KCNV1: variants seen among roughly 807,000 people sequenced by gnomAD.
The protein encoded by KCNV1 is potassium voltage-gated channel subfamily V member 1.
A neutral mutation model predicts 36.4 loss-of-function variants in KCNV1; 2 were observed. That is an observed-to-expected ratio of 0.05 (90% confidence interval 0.02 to 0.17). The LOEUF is 0.17. Among genes scored for constraint, KCNV1 ranks in the 10% least tolerant of loss-of-function variants. The pLI is 1.00. For missense variants in KCNV1, 321 were observed against 643.6 expected (o/e 0.50, Z 5.42); for synonymous variants, 280 against 261.1 (o/e 1.07, Z -0.70).
chr8:109,967,256 C>T lies in KCNV1; in HGVS notation c.*832G>A, dbSNP rs1031894586. 1.3e-5 allele frequency: 2 copies of T among 152,118 alleles called. No individual in the cohort carries two copies. Among genetic ancestry groups the T allele is most frequent in the African/African-American group, 4.8e-5 (2 of 41,442 alleles). The allele number at this position is 152,118 out of a possible 1,614,324, so 9.4% of individuals were successfully genotyped here. A position where few individuals can be genotyped will look rare whatever the true frequency, so the allele number is the denominator to read the frequency against. On this transcript the variant is annotated 3_prime_UTR_variant, in exon 4 of 4. Coordinates refer to ENST00000524391, the MANE Select transcript of KCNV1 (RefSeq NM_014379.4). ...CCAGTGTAGAAATTTAGGATGTTCA[C>T]TACCTCACTTTTACATATTCATTAT...
Position 109,972,250 on chromosome 8 carries a change from G to T in KCNV1, c.991+8C>A. The T allele has an allele frequency of 6.4e-7, 1 of 1,568,986 alleles. No homozygotes were observed. On this transcript the variant is annotated splice_region_variant and intron_variant, in intron 3 of 3. Coordinates refer to ENST00000524391, the MANE Select transcript of KCNV1 (RefSeq NM_014379.4). The surrounding 1 kb of genome is among the most constrained non-coding windows in gnomAD (Gnocchi z 5.2). ...GCAAATTAAAAGGCATCAGTGAAAT[G>T]TGAATACCTGTGGAATGTCTGCCCA...
chr8:109,965,908 C>T lies in KCNV1; in HGVS notation c.*2180G>A, dbSNP rs1048910008. The T allele has an allele frequency of 6.6e-6, 1 of 152,150 alleles. No individual in the cohort carries two copies. Among genetic ancestry groups the T allele is most frequent in the Admixed American group, 6.5e-5 (1 of 15,274 alleles). The allele number at this position is 152,150 out of a possible 1,614,324, so 9.4% of individuals were successfully genotyped here. ...GGCAGATTGGTATTCAGCGCTGGCT[C>T]TGCCATCTATAGCCTGTGTGAATTT... On this transcript the variant is annotated 3_prime_UTR_variant, in exon 4 of 4. Coordinates refer to ENST00000524391, the MANE Select transcript of KCNV1 (RefSeq NM_014379.4).
In KCNV1 at chr8:109,968,792, G is replaced by T. The variant is rs1362796971; in HGVS notation, c.992-193C>A. On this transcript the variant is annotated intron_variant, in intron 3 of 3. Transcript: ENST00000524391. The surrounding 1 kb of genome is among the most constrained non-coding windows in gnomAD (Gnocchi z 5.3). ...CTTGTGCCAGGAAGTTCACAGTCTA[G>T]TTGATGGGGCCAGGTTGAGAAGGCT... is the stretch of plus-strand genomic sequence containing the variant. Among the ~76,000 whole-genome samples, 2 of 152,128 alleles carry T rather than the reference G, an allele frequency of 1.3e-5. No individual in the cohort carries two copies. The highest frequency in any genetic ancestry group is 2.9e-5 in the Non-Finnish European group (2 of 68,026).
Position 109,972,651 on chromosome 8 carries a change from G to T in KCNV1, c.598C>A (p.Leu200Met). 1 of 1,614,166 alleles carries T rather than the reference G, an allele frequency of 6.2e-7. No individual in the cohort carries two copies. The highest frequency in any genetic ancestry group is 8.5e-7 in the Non-Finnish European group (1 of 1,180,032). ...PTVRQKLWNI[L>M]EKPGSSTAAR... The stretch of plus-strand genomic sequence containing the variant: ...GCTGTGGAAGATCCAGGTTTCTCCA[G>T]GATATTCCAGAGCTTCTGGCGAACA... The change falls in exon 3 of 4, where the codon CTG becomes ATG. Residue 200 changes from leucine to methionine, a missense_variant. This residue lies in a region of KCNV1 where 141 missense variants were observed against 225.0 expected (regional missense o/e 0.63). Transcript: ENST00000524391. The surrounding 1 kb of genome is among the most constrained non-coding windows in gnomAD (Gnocchi z 5.2).
intron 3 of KCNV1, among the ~76,000 whole-genome samples, chr8:109,970,743 C>A (rs1819999970): frequency 6.6e-6 from 1 of 152,126 alleles, no homozygotes; most frequent in African/African-American, 2.4e-5. Flanking sequence ...TGGTGAAAAT[C>A]TTTGAAGAGG....
rs777714369 is a variant in KCNV1 at position 109,973,924 on chromosome 8, G to T, written c.461+4C>A. The stretch of plus-strand genomic sequence containing the variant: ...CGCCCAGCCGCCGCGTGCCTCCGGG[G>T]TACCTGTCCCTGCAGCAGGAATCGA... On this transcript the variant is annotated splice_donor_region_variant and intron_variant, in intron 2 of 3. Transcript: ENST00000524391. 5 of 1,589,752 alleles carry T rather than the reference G, an allele frequency of 3.1e-6. No homozygotes were observed. The highest frequency in any genetic ancestry group is 2.7e-5 in the African/African-American group (2 of 74,290).
Position 109,970,000 on chromosome 8 carries a change from G to A in KCNV1, c.992-1401C>T, listed in dbSNP as rs553629342. ...ATCAACATGATGTCAAAATGATATTGCCCCAGAAGTCCAAAACAATACCTC... is the reference window on the plus strand; with the variant it reads ...ATCAACATGATGTCAAAATGATATTACCCCAGAAGTCCAAAACAATACCTC... On this transcript the variant is annotated intron_variant, in intron 3 of 3. Transcript: ENST00000524391. Among the ~76,000 whole-genome samples, 11 of 152,110 alleles carry A rather than the reference G, an allele frequency of 7.2e-5. No homozygotes were observed. The South Asian group carries it at 2.1e-3, about 29-fold the overall frequency.
At position 109,974,660 on chromosome 8, in the gene KCNV1, G is replaced by T. The variant is rs1820059036; in HGVS notation, c.-272C>A. ...GGGTCGCGCTAAGAGAGAGGATCAG[G>T]TGAGGTCCAAGCCCGACACAGTCCC... On this transcript the variant is annotated 5_prime_UTR_variant, in exon 2 of 4. Transcript: ENST00000524391. This position sits in a 1 kb window ranked among gnomAD's most constrained non-coding sequence, Gnocchi z 6.2. 1 of 528,288 alleles carries T rather than the reference G, an allele frequency of 1.9e-6. No homozygotes were observed. The highest frequency in any genetic ancestry group is 3.4e-6 in the Non-Finnish European group (1 of 297,986). The allele number at this position is 528,288 out of a possible 1,614,324, so 32.7% of individuals were successfully genotyped here.
chr8:109,967,009 T>G lies in KCNV1; in HGVS notation c.*1079A>C, dbSNP rs1212928373. ...TGGGAATCATGAGCTAGTTCTTAGC[T>G]TTAGAGGTTTTGGCTTTAATTATAT... On this transcript the variant is annotated 3_prime_UTR_variant, in exon 4 of 4. Transcript: ENST00000524391. The G allele has an allele frequency of 6.6e-6, 1 of 152,180 alleles. No homozygotes were observed. The highest frequency in any genetic ancestry group is 1.5e-5 in the Non-Finnish European group (1 of 68,002). The allele number at this position is 152,180 out of a possible 1,614,324, so 9.4% of individuals were successfully genotyped here. A position where few individuals can be genotyped will look rare whatever the true frequency, so the allele number is the denominator to read the frequency against.
chr8:109,974,439 C>T lies in KCNV1; in HGVS notation c.-51G>A, dbSNP rs1189326994. On this transcript the variant is annotated 5_prime_UTR_variant, in exon 2 of 4. Transcript: ENST00000524391. The surrounding 1 kb of genome is among the most constrained non-coding windows in gnomAD (Gnocchi z 6.2). ...GGGCGCCACAAAGTTGGGGACACGCCGGAAGCTTTGGTCCCGCGAGGGCGG... is the reference window on the plus strand; with the variant it reads ...GGGCGCCACAAAGTTGGGGACACGCTGGAAGCTTTGGTCCCGCGAGGGCGG... 4 of 1,336,444 alleles carry T rather than the reference C, an allele frequency of 3.0e-6. No homozygotes were observed. The highest frequency in any genetic ancestry group is 3.0e-5 in the African/African-American group (2 of 67,652). 82.8% of individuals were successfully genotyped at this position (1,336,444 alleles called of 1,614,324 possible).
In KCNV1 at chr8:109,967,860, A is replaced by G. The variant is rs1047199906; in HGVS notation, c.*228T>C. 1.1e-5 allele frequency: 5 copies of G among 455,082 alleles called. No homozygotes were observed. Among genetic ancestry groups the G allele is most frequent in the Admixed American group, 3.7e-5 (1 of 26,962 alleles). The allele number at this position is 455,082 out of a possible 1,614,324, so 28.2% of individuals were successfully genotyped here. A position where few individuals can be genotyped will look rare whatever the true frequency, so the allele number is the denominator to read the frequency against. On this transcript the variant is annotated 3_prime_UTR_variant, in exon 4 of 4. Coordinates refer to ENST00000524391, the MANE Select transcript of KCNV1 (RefSeq NM_014379.4). Reference sequence around the variant, plus strand: ...AACATGTTTATATTGGCCCAGTTGTATTTGGTTGTGTTAATTGGCTATTTT... The same window carrying G: ...AACATGTTTATATTGGCCCAGTTGTGTTTGGTTGTGTTAATTGGCTATTTT...
Position 109,974,699 on chromosome 8 carries a change from G to C in KCNV1, c.-311C>G, listed in dbSNP as rs113353843. The C allele has an allele frequency of 8.0e-3, 3,247 of 405,570 alleles. 86 individuals are homozygous for C. The highest frequency in any genetic ancestry group is 0.059 in the African/African-American group (2,887 of 48,662). 25.1% of individuals were successfully genotyped at this position (405,570 alleles called of 1,614,324 possible). On this transcript the variant is annotated 5_prime_UTR_variant, in exon 2 of 4. Transcript: ENST00000524391. The surrounding 1 kb of genome is among the most constrained non-coding windows in gnomAD (Gnocchi z 6.2). Reference sequence around the variant, plus strand: ...CGACACAGTCCCTGTGCACACTGCCGGTCGCCCTGGCCCTTCCCAAACGTT... The same window carrying C: ...CGACACAGTCCCTGTGCACACTGCCCGTCGCCCTGGCCCTTCCCAAACGTT...
rs1820051601 is a variant in KCNV1 at position 109,974,314 on chromosome 8, G to A, written c.75C>T (p.Val25=). ...SGSLTSLDSS[V]FCSEGEGEPL... ...GCTCCCCTTCACCCTCGCTGCAGAA[G>A]ACACTAGAGTCCAGGGAGGTCAGGG... Residue 25 remains valine, a synonymous_variant, in exon 2 of 4, where the codon GTC becomes GTT. Coordinates refer to ENST00000524391, the MANE Select transcript of KCNV1 (RefSeq NM_014379.4). The surrounding 1 kb of genome is among the most constrained non-coding windows in gnomAD (Gnocchi z 6.2). The A allele has an allele frequency of 1.3e-6, 2 of 1,543,922 alleles. No homozygotes were observed. The highest frequency in any genetic ancestry group is 1.7e-6 in the Non-Finnish European group (2 of 1,149,246).
rs1170529833 is a variant in KCNV1 at position 109,972,064 on chromosome 8, G to A, written c.991+194C>T. Among the ~76,000 whole-genome samples the A allele has an allele frequency of 6.6e-6, 1 of 152,148 alleles. No individual in the cohort carries two copies. The highest frequency in any genetic ancestry group is 1.9e-4 in the East Asian group (1 of 5,190). The stretch of plus-strand genomic sequence containing the variant: ...TCTTATGGAGAGGAGGTATGTGAGA[G>A]CTCATTTCTCTATACCTGTGATAGC... On this transcript the variant is annotated intron_variant, in intron 3 of 3. Coordinates refer to ENST00000524391, the MANE Select transcript of KCNV1 (RefSeq NM_014379.4). The surrounding 1 kb of genome is among the most constrained non-coding windows in gnomAD (Gnocchi z 5.2).
chr8:109,968,238 T>C lies in KCNV1; in HGVS notation c.1353A>G (p.Leu451=), dbSNP rs1342315186. The part of the protein sequence containing the change: ...KEAAVRQREA[L]KKLTKNIATD... ...TGGCTATATTCTTGGTAAGCTTCTTTAGGGCTTCACGCTGTCTAACAGCTG... is the reference window on the plus strand; with the variant it reads ...TGGCTATATTCTTGGTAAGCTTCTTCAGGGCTTCACGCTGTCTAACAGCTG... Residue 451 remains leucine (L), a synonymous_variant, in exon 4 of 4, where the codon CTA becomes CTG. Coordinates refer to ENST00000524391, the MANE Select transcript of KCNV1 (RefSeq NM_014379.4). The surrounding 1 kb of genome is among the most constrained non-coding windows in gnomAD (Gnocchi z 5.3). 5 of 1,614,172 alleles carry C rather than the reference T, an allele frequency of 3.1e-6. No homozygotes were observed. Among genetic ancestry groups the C allele is most frequent in the East Asian group, 4.5e-5 (2 of 44,874 alleles).
Position 109,968,245 on chromosome 8 carries a change from T to C in KCNV1, c.1346A>G (p.Glu449Gly). 1 of 1,614,180 alleles carries C rather than the reference T, an allele frequency of 6.2e-7. No homozygotes were observed. The change falls in exon 4 of 4, where the codon GAA (glutamate) becomes GGA (glycine). Residue 449 changes from glutamate to glycine, a missense_variant. Physicochemically the swap from Glu to Gly is moderately conservative, Grantham distance 98. This residue lies in a region of KCNV1 where 45 missense variants were observed against 76.8 expected (regional missense o/e 0.59). Coordinates refer to ENST00000524391, the MANE Select transcript of KCNV1 (RefSeq NM_014379.4). This position sits in a 1 kb window ranked among gnomAD's most constrained non-coding sequence, Gnocchi z 5.3. ...KLKEAAVRQR[E>G]ALKKLTKNIA... ...ATTCTTGGTAAGCTTCTTTAGGGCTTCACGCTGTCTAACAGCTGCTTCCTT... is the reference window on the plus strand; with the variant it reads ...ATTCTTGGTAAGCTTCTTTAGGGCTCCACGCTGTCTAACAGCTGCTTCCTT...
In KCNV1 at chr8:109,968,532, T is replaced by A; in HGVS notation, c.1059A>T (p.Leu353=). The change falls in exon 4 of 4, where the codon CTA becomes CTT. Residue 353 remains leucine (L), a synonymous_variant. Coordinates refer to ENST00000524391, the MANE Select transcript of KCNV1 (RefSeq NM_014379.4). This position sits in a 1 kb window ranked among gnomAD's most constrained non-coding sequence, Gnocchi z 5.3. ...YEEVGLLLLF[L]SVGISIFSTV... ...TTGAAAATATAGAGATTCCCACGGATAGAAATAGGAGCAGTAGGCCGACTT... is the reference window on the plus strand; with the variant it reads ...TTGAAAATATAGAGATTCCCACGGAAAGAAATAGGAGCAGTAGGCCGACTT... 1 of 1,609,944 alleles carries A rather than the reference T, an allele frequency of 6.2e-7. No homozygotes were observed. The highest frequency in any genetic ancestry group is 8.5e-7 in the Non-Finnish European group (1 of 1,176,594).
chr8:109,975,458 T>G (rs1393155199), intron 1 of KCNV1, among the ~76,000 whole-genome samples, 161 bp downstream of exon 1: 1 of 152,042 alleles, frequency 6.6e-6, no homozygotes, highest in Non-Finnish European at 1.5e-5. Context: ...GGCAGGAATT[T>G]AAATAGTAAC....
Position 109,965,031 on chromosome 8 carries a change from A to G in KCNV1, c.*3057T>C, listed in dbSNP as rs1587132664. On this transcript the variant is annotated 3_prime_UTR_variant, in exon 4 of 4. Coordinates refer to ENST00000524391, the MANE Select transcript of KCNV1 (RefSeq NM_014379.4). ...CAAAGAAAGTGGCTAACACGGTGAA[A>G]CCCCGTCTCTGCTAAAAATACAAAA... 1.3e-5 allele frequency: 2 copies of G among 152,176 alleles called. No individual in the cohort carries two copies. The highest frequency in any genetic ancestry group is 4.8e-5 in the African/African-American group (2 of 41,412). 9.4% of individuals were successfully genotyped at this position (152,176 alleles called of 1,614,324 possible).
Sources: gnomAD v4.1 joint callset for allele counts (sites outside exome capture counted in the v4.1 genomes callset) on GRCh38, gnomAD v4.1.1 for gene constraint, gnomAD v4.1.1 regional missense constraint, Gnocchi (gnomAD v3.1) non-coding constraint, MANE v1.5 for transcripts, NCBI Gene and HGNC (gene_info 2026-07-23, HGNC 2026-07-21) for gene names.